The following PRLR variants were observed in gnomAD, a reference collection of about 807,000 sequenced individuals.
PRLR encodes the protein prolactin receptor, also known as hPRL receptor.
In PRLR, 13 loss-of-function variants were observed where a neutral mutation model predicts 40.2. The ratio of observed to expected loss-of-function variants is 0.32; its 90% CI spans 0.21 to 0.51. The LOEUF is 0.51. Ranked by LOEUF, PRLR falls within the 20% of genes least tolerant of loss-of-function variation. The probability of loss-of-function intolerance (pLI) is 0.97; values close to 1 mark genes in which losing one functional copy is unlikely to be tolerated. For missense variants in PRLR, 656 were observed against 747.3 expected (o/e 0.88, Z 1.42); for synonymous variants, 269 against 278.7 (o/e 0.97, Z 0.35).
intron 1 of PRLR, among the ~76,000 whole-genome samples, chr5:35,148,296 T>C (rs1486432101): frequency 6.6e-6 from 1 of 152,168 alleles, no homozygotes; most frequent in Admixed American, 6.6e-5. Flanking sequence ...CCATTCAATT[T>C]GTGTTGAACT....
intron 1 of PRLR, among the ~76,000 whole-genome samples, chr5:35,167,540 T>A (rs1471486562): frequency 6.6e-6 from 1 of 152,040 alleles, no homozygotes; most frequent in African/African-American, 2.4e-5. Flanking sequence ...TTCATGGAAG[T>A]ATGTAATGTG....
At chr5:35,085,085 A>T (rs913456803) in intron 4 of PRLR, among the ~76,000 whole-genome samples, 1 of 152,154 alleles carries the variant, frequency 6.6e-6, no homozygotes, top group Admixed American at 6.5e-5. Context: ...TTCGTTTTTT[A>T]AAAAAGGGTT....
At chr5:35,154,819 G>A (rs1451580919) in intron 1 of PRLR, among the ~76,000 whole-genome samples, 2 of 152,108 alleles carry the variant, frequency 1.3e-5, no homozygotes, top group Non-Finnish European at 1.5e-5. Flanking sequence ...ATAAAAAAAC[G>A]AGATCATGTC....
intron 4 of PRLR, among the ~76,000 whole-genome samples, chr5:35,084,911 C>G (rs188471196): frequency 6.7e-6 from 1 of 150,190 alleles, no homozygotes; most frequent in Non-Finnish European, 1.5e-5. Flanking sequence ...GCTCGGGGAC[C>G]TATATTCCCT....
chr5:35,106,506 G>A lies in PRLR; in HGVS notation c.-44+11555C>T, dbSNP rs146148737. Among the ~76,000 whole-genome samples, 907 of 152,234 alleles carry A rather than the reference G, an allele frequency of 6.0e-3. 8 individuals carry two copies. The highest frequency in any genetic ancestry group is 0.02 in the African/African-American group (849 of 41,530). On this transcript the variant is annotated intron_variant, in intron 2 of 9. Coordinates refer to ENST00000618457, the MANE Select transcript of PRLR (RefSeq NM_000949.7). ...CACTTCTCATGCAGAGACACACATA[G>A]GCTCAAAATAAAGGGATGGAGGAAG...
chr5:35,214,965 G>C (rs976044115), intron 1 of PRLR, among the ~76,000 whole-genome samples: 21 of 152,148 alleles, frequency 1.4e-4, no homozygotes, highest in Non-Finnish European at 2.4e-4. Flanking sequence ...CTAGATCCCT[G>C]CTGATGCCCA....
intron 3 of PRLR, among the ~76,000 whole-genome samples, chr5:35,089,005 G>T (rs1771036651): frequency 6.6e-6 from 1 of 152,192 alleles, no homozygotes; most frequent in African/African-American, 2.4e-5. Flanking sequence ...CACATGGGTT[G>T]ACATACAGAA....
At chr5:35,206,904 G>C (rs1776034468) in intron 1 of PRLR, among the ~76,000 whole-genome samples, 1 of 151,862 alleles carries the variant, frequency 6.6e-6, no homozygotes, top group African/African-American at 2.4e-5. Context: ...CTAAATGAGG[G>C]AAAAATACTT....
At position 35,065,254 on chromosome 5, in the gene PRLR, GT is replaced by G. The variant is rs774667162; in HGVS notation, c.1703del (p.Asn568ThrfsTer65). ...TGGCTGATTCTTCAAAGCAAGCCAC[GT>G]TTTTAGCATGTGGATCTGGCACCAA... ...LVLVPDPHAKNVACFEESAKE... is the reference protein window; with the variant it reads ...LVLVPDPHAKXVACFEESAKE... On this transcript the variant is annotated frameshift_variant, in exon 10 of 10. Coordinates refer to ENST00000618457, the MANE Select transcript of PRLR (RefSeq NM_000949.7). LOFTEE classifies it low-confidence loss of function (END_TRUNC). The G allele has an allele frequency of 6.2e-7, 1 of 1,614,120 alleles. No individual in the cohort carries two copies. Among genetic ancestry groups the G allele is most frequent in the South Asian group, 1.1e-5 (1 of 91,074 alleles).
At chr5:35,172,675 C>T (rs1413026748) in intron 1 of PRLR, among the ~76,000 whole-genome samples, 1 of 152,144 alleles carries the variant, frequency 6.6e-6, no homozygotes, top group East Asian at 1.9e-4. Flanking sequence ...AGGGATCCTG[C>T]CCTGTGGAGA....
Position 35,048,944 on chromosome 5 carries a change from T to C in PRLR, c.*343A>G, listed in dbSNP as rs1768377944. 1.3e-5 allele frequency: 5 copies of C among 374,908 alleles called. No individual in the cohort carries two copies. In the Admixed American group the frequency reaches 1.7e-4, roughly 12 times the overall value. The allele number at this position is 374,908 out of a possible 1,614,324, so 23.2% of individuals were successfully genotyped here. ...AGATATCATTAATCTTGGGTCACCC[T>C]GTAAGGGAGACAACTGACTTGGCCA... On this transcript the variant is annotated 3_prime_UTR_variant, in exon 9 of 9. Coordinates refer to the PRLR transcript ENST00000231423.
At chr5:35,208,245 C>T (rs974259685) in intron 1 of PRLR, among the ~76,000 whole-genome samples, 2 of 151,938 alleles carry the variant, frequency 1.3e-5, no homozygotes, top group African/African-American at 4.8e-5. Flanking sequence ...ATTTAGGACA[C>T]TGAACAACAC....
chr5:35,104,503 A>C (rs1772098887), intron 2 of PRLR, among the ~76,000 whole-genome samples: 1 of 152,144 alleles, frequency 6.6e-6, no homozygotes, highest in Admixed American at 6.5e-5. Flanking sequence ...GTACCTGGAA[A>C]ATCGGGACAC....
chr5:35,171,257 G>A (rs1356086256), intron 1 of PRLR, among the ~76,000 whole-genome samples: 9 of 152,124 alleles, frequency 5.9e-5, no homozygotes, highest in African/African-American at 4.8e-5. Context: ...AACCCTTGCT[G>A]CTATGTAACA....
chr5:35,174,251 G>A (rs138066016), intron 1 of PRLR, among the ~76,000 whole-genome samples: 1,898 of 152,222 alleles, frequency 0.012, 33 homozygotes, highest in African/African-American at 0.04. Flanking sequence ...CGCCACGCCC[G>A]GCTAATTTTT....
intron 1 of PRLR, among the ~76,000 whole-genome samples, chr5:35,158,612 G>A (rs2111895319): frequency 6.6e-6 from 1 of 152,210 alleles, no homozygotes; most frequent in South Asian, 2.1e-4. Flanking sequence ...CCCCTTGCTG[G>A]CACGTATTGA....
At chr5:35,067,500 G>A (rs1364494772) in intron 9 of PRLR, among the ~76,000 whole-genome samples, 1 of 152,080 alleles carries the variant, frequency 6.6e-6, no homozygotes, top group Non-Finnish European at 1.5e-5. Flanking sequence ...AGATTATCCA[G>A]GACTCAATTC....
intron 1 of PRLR, among the ~76,000 whole-genome samples, chr5:35,224,215 T>A (rs556092491): frequency 4.5e-4 from 69 of 152,354 alleles, no homozygotes; most frequent in Admixed American, 7.2e-4. Context: ...TCTGTGCCTC[T>A]GTACTTTCTC....
At chr5:35,164,992 A>G (rs1774779960) in intron 1 of PRLR, among the ~76,000 whole-genome samples, 2 of 152,232 alleles carry the variant, frequency 1.3e-5, no homozygotes, top group Admixed American at 1.3e-4. Flanking sequence ...TGAGAGGGAA[A>G]TAAAGAGTCC....
Sources: allele counts gnomAD v4.1 joint callset (sites outside exome capture counted in the v4.1 genomes callset), GRCh38; gene constraint gnomAD v4.1.1; transcripts MANE v1.5; gene names NCBI Gene and HGNC (gene_info 2026-07-23, HGNC 2026-07-21).